LRRC2: variants seen among roughly 807,000 people sequenced by gnomAD.
LRRC2 encodes the protein leucine rich repeat containing 2.
A neutral mutation model predicts 40.2 loss-of-function variants in LRRC2; 27 were observed. The observed-to-expected ratio is 0.67, with a 90% confidence interval of 0.49 to 0.93. LRRC2 has a LOEUF of 0.93. LRRC2 is among the 40% of genes least tolerant of loss of function. The pLI, the probability that LRRC2 is intolerant of heterozygous loss-of-function variation, is 0.00. For missense variants in LRRC2, 402 were observed against 439.6 expected (o/e 0.91, Z 0.76); for synonymous variants, 147 against 158.9 (o/e 0.92, Z 0.56).
At chr3:46,551,674 C>A in intron 1 of LRRC2, 64 bp from the exon 2 acceptor site, 1 of 1,157,326 alleles carries the variant, frequency 8.6e-7, no homozygotes, top group Non-Finnish European at 1.2e-6. Flanking sequence ...TTAACATAAA[C>A]TTTAAAATGA....
chr3:46,538,926 C>T, intron 4 of LRRC2, 119 bp downstream of exon 4: 2 of 1,162,514 alleles, frequency 1.7e-6, no homozygotes, highest in Non-Finnish European at 2.4e-6. Context: ...CGGCCCTGCC[C>T]AACCACTTCC....
At chr3:46,534,739 G>A (rs1290728011) in intron 4 of LRRC2, among the ~76,000 whole-genome samples, 3 of 152,030 alleles carry the variant, frequency 2.0e-5, no homozygotes, top group Admixed American at 6.6e-5. Flanking sequence ...CTCTAATAAT[G>A]AGAAAAAGAA....
In LRRC2 at chr3:46,522,760, AACACACACACACACACACAC is replaced by A. The variant is rs71098411; in HGVS notation, c.930-1122_930-1103del. Among the ~76,000 whole-genome samples, 177 of 143,374 alleles carry A rather than the reference AACACACACACACACACACAC, an allele frequency of 1.2e-3. 1 individual carries two copies. In the East Asian group the frequency reaches 0.018, roughly 15 times the overall value. The allele number at this position is 143,374 out of a possible 152,430, so 94.1% of individuals were successfully genotyped here. A position where few individuals can be genotyped will look rare whatever the true frequency, so the allele number is the denominator to read the frequency against. On this transcript the variant is annotated intron_variant, in intron 7 of 8. Coordinates refer to ENST00000395905, the MANE Select transcript of LRRC2 (RefSeq NM_024512.5). ...ATTAAATAAAAGATGAACTACTGCT[AACACACACACACACACACAC>A]ACACACACACACACACACACACACA... is the stretch of plus-strand genomic sequence containing the variant.
intron 2 of LRRC2, among the ~76,000 whole-genome samples, chr3:46,550,112 G>A (rs1341894796): frequency 1.3e-5 from 2 of 152,136 alleles, no homozygotes; most frequent in African/African-American, 4.8e-5. Flanking sequence ...GAGAAAAGAC[G>A]TTCTAACTAC....
Position 46,539,037 on chromosome 3 carries a change from T to A in LRRC2, c.490+8A>T. On this transcript the variant is annotated splice_region_variant and intron_variant, in intron 4 of 8. Transcript: ENST00000395905. ...AGAGGCCCGAAGACCCCTGCTAAGT[T>A]GACATACCGATTTCTGCTGGAAGAT... 2.5e-6 allele frequency: 4 copies of A among 1,613,330 alleles called. No individual in the cohort carries two copies. The highest frequency in any genetic ancestry group is 3.4e-6 in the Non-Finnish European group (4 of 1,179,632).
At chr3:46,530,086 A>G (rs1306328634) in intron 5 of LRRC2, 36 bp from the exon 6 acceptor site, 1 of 1,535,212 alleles carries the variant, frequency 6.5e-7, no homozygotes, top group Non-Finnish European at 9.0e-7. Context: ...AATTACTTTT[A>G]TAAGAGTGGG....
Position 46,517,114 on chromosome 3 carries a change from A to T in LRRC2, c.*1900T>A, listed in dbSNP as rs939797556. Reference sequence around the variant, plus strand: ...TCAGTCATTGTTCAAGTGCTCAAGAATCACATGTGTCTGGTTTACCACGTT... The same window carrying T: ...TCAGTCATTGTTCAAGTGCTCAAGATTCACATGTGTCTGGTTTACCACGTT... On this transcript the variant is annotated 3_prime_UTR_variant, in exon 9 of 9. Coordinates refer to ENST00000395905, the MANE Select transcript of LRRC2 (RefSeq NM_024512.5). 4 of 152,148 alleles carry T rather than the reference A, an allele frequency of 2.6e-5. No individual in the cohort carries two copies. Among genetic ancestry groups the T allele is most frequent in the Admixed American group, 2.0e-4 (3 of 15,278 alleles). 9.4% of individuals were successfully genotyped at this position (152,148 alleles called of 1,614,324 possible).
At chr3:46,535,492 G>A (rs989890454) in intron 4 of LRRC2, among the ~76,000 whole-genome samples, 4 of 152,100 alleles carry the variant, frequency 2.6e-5, no homozygotes, top group Non-Finnish European at 5.9e-5. Context: ...CCTTCCCATA[G>A]TTTAACTCAC....
At chr3:46,533,769 CCT>C (rs753806081) in intron 4 of LRRC2, among the ~76,000 whole-genome samples, 15 of 67,834 alleles carry the variant, frequency 2.2e-4, no homozygotes, top group Non-Finnish European at 3.6e-4. Context: ...TCCCTCCCTC[CCT>C]CTCTTTTCTT....
intron 1 of LRRC2, among the ~76,000 whole-genome samples, chr3:46,563,906 C>G (rs1363792019): frequency 6.6e-6 from 1 of 152,186 alleles, no homozygotes; most frequent in Non-Finnish European, 1.5e-5. Context: ...TTTGAGTAGT[C>G]CAAGGGCTAC....
intron 3 of LRRC2, among the ~76,000 whole-genome samples, chr3:46,543,261 C>A (rs1704436557): frequency 6.6e-6 from 1 of 152,088 alleles, no homozygotes; most frequent in South Asian, 2.1e-4. Flanking sequence ...CAATGGAGGT[C>A]TCTCCCAGCC....
At chr3:46,526,759 A>G (rs936011091) in intron 7 of LRRC2, among the ~76,000 whole-genome samples, 2 of 152,238 alleles carry the variant, frequency 1.3e-5, no homozygotes, top group South Asian at 2.1e-4. Context: ...CTCAAGGCCA[A>G]TAGGTCTCTG....
Position 46,530,025 on chromosome 3 carries a change from A to C in LRRC2, c.653T>G (p.Phe218Cys). 2 of 1,613,330 alleles carry C rather than the reference A, an allele frequency of 1.2e-6. No homozygotes were observed. Among genetic ancestry groups the C allele is most frequent in the Non-Finnish European group, 1.7e-6 (2 of 1,179,346 alleles). Residue 218 changes from phenylalanine to cysteine, a missense_variant, in exon 6 of 9, where the codon TTT becomes TGT. Physicochemically the swap from Phe to Cys is radical, Grantham distance 205 (BLOSUM62 -2). Transcript: ENST00000395905. Reference protein sequence around the residue: ...FELSNLKQVTFVDISANKFSS... With the variant: ...FELSNLKQVTCVDISANKFSS... Reference sequence around the variant, plus strand: ...AAACTTGTTTGCTGAGATATCTACAAATGTAACTTGCTTCAAATTACTTAA... The same window carrying C: ...AAACTTGTTTGCTGAGATATCTACACATGTAACTTGCTTCAAATTACTTAA...
intron 3 of LRRC2, among the ~76,000 whole-genome samples, chr3:46,542,550 C>G (rs1704418004): frequency 2.0e-5 from 3 of 150,876 alleles, no homozygotes; most frequent in Admixed American, 6.6e-5. Context: ...AAAGATTGAT[C>G]CCAAGATAGC....
At position 46,539,042 on chromosome 3, in the gene LRRC2, T is replaced by A; in HGVS notation, c.490+3A>T. On this transcript the variant is annotated splice_donor_region_variant and intron_variant, in intron 4 of 8. Transcript: ENST00000395905. ...CCCGAAGACCCCTGCTAAGTTGACATACCGATTTCTGCTGGAAGATGTGAG... is the reference window on the plus strand; with the variant it reads ...CCCGAAGACCCCTGCTAAGTTGACAAACCGATTTCTGCTGGAAGATGTGAG... 6.2e-7 allele frequency: 1 copy of A among 1,613,354 alleles called. No homozygotes were observed. Among genetic ancestry groups the A allele is most frequent in the Non-Finnish European group, 8.5e-7 (1 of 1,179,710 alleles).
Position 46,551,448 on chromosome 3 carries a change from A to T in LRRC2, c.125+19T>A. On this transcript the variant is annotated intron_variant, in intron 2 of 8. Transcript: ENST00000395905. ...TATTCACCAAACAAGCTACAAGACT[A>T]GGTTGAGAAAACACGTACTTCTCCA... The T allele has an allele frequency of 6.2e-7, 1 of 1,611,378 alleles. No individual in the cohort carries two copies. Among genetic ancestry groups the T allele is most frequent in the Non-Finnish European group, 8.5e-7 (1 of 1,179,084 alleles).
intron 3 of LRRC2, among the ~76,000 whole-genome samples, chr3:46,540,260 C>T (rs1575352576): frequency 1.3e-5 from 2 of 152,212 alleles, no homozygotes; most frequent in African/African-American, 4.8e-5. Context: ...CACAGTGGCT[C>T]ACGCCTGTAA....
intron 2 of LRRC2, among the ~76,000 whole-genome samples, chr3:46,549,890 GCTGAGAGCTA>G (rs1446796715): frequency 1.3e-5 from 2 of 152,268 alleles, no homozygotes; most frequent in Admixed American, 1.3e-4. Flanking sequence ...TCAAAGCAGG[GCTGAGAGCTA>G]CTTTGGGCTC....
At chr3:46,561,397 A>G (rs1559422675) in intron 1 of LRRC2, among the ~76,000 whole-genome samples, 1 of 152,096 alleles carries the variant, frequency 6.6e-6, no homozygotes, top group African/African-American at 2.4e-5. Flanking sequence ...AATAAAATGA[A>G]TAAATAAAAT....
Sources: allele counts gnomAD v4.1 joint callset (sites outside exome capture counted in the v4.1 genomes callset), GRCh38; gene constraint gnomAD v4.1.1; transcripts MANE v1.5; gene names NCBI Gene and HGNC (gene_info 2026-07-23, HGNC 2026-07-21).